The following GRIA4 variants were observed in gnomAD, a reference collection of about 807,000 sequenced individuals.
GRIA4 encodes glutamate ionotropic receptor AMPA type subunit 4.
A neutral mutation model predicts 104.0 loss-of-function variants in GRIA4; 34 were observed. That is an observed-to-expected ratio of 0.33 (90% CI 0.25 to 0.44). GRIA4 has a LOEUF of 0.44. Ranked by LOEUF, GRIA4 falls within the 20% of genes least tolerant of loss-of-function variation. The probability of loss-of-function intolerance (pLI) is 1.00; values close to 1 mark genes in which losing one functional copy is unlikely to be tolerated. For synonymous variants in GRIA4, 386 were observed against 381.9 expected (o/e 1.01, Z -0.13); for missense variants, 750 against 1,096.5 (o/e 0.68, Z 4.46).
chr11:105,652,800 C>T, intron 3 of GRIA4, among the ~76,000 whole-genome samples: 1 of 152,214 alleles, frequency 6.6e-6, no homozygotes, highest in African/African-American at 2.4e-5. Context: ...GTACCAAACT[C>T]TCCACATACA....
At chr11:105,800,464 C>T (rs72985126) in intron 4 of GRIA4, among the ~76,000 whole-genome samples, 15 of 152,052 alleles carry the variant, frequency 9.9e-5, no homozygotes, top group Non-Finnish European at 1.6e-4. Flanking sequence ...GTCAAGGTAC[C>T]TATGCCTTGG....
chr11:105,744,141 T>C (rs1440355045), intron 3 of GRIA4, among the ~76,000 whole-genome samples: 1 of 152,210 alleles, frequency 6.6e-6, no homozygotes, highest in Non-Finnish European at 1.5e-5. Flanking sequence ...CTGTTCCTTA[T>C]TATATTCACC....
chr11:105,885,587 T>C (rs1026511266), intron 5 of GRIA4, among the ~76,000 whole-genome samples: 9 of 152,218 alleles, frequency 5.9e-5, no homozygotes, highest in Admixed American at 1.3e-4. Context: ...ACAGAAGCTT[T>C]GGGTTCAGTC....
At chr11:105,689,131 T>C (rs2135488759) in intron 3 of GRIA4, among the ~76,000 whole-genome samples, 1 of 152,274 alleles carries the variant, frequency 6.6e-6, no homozygotes, top group East Asian at 1.9e-4. Context: ...AAATATATTT[T>C]ATGAGGAAAA....
At chr11:105,838,875 G>C (rs1273582318) in intron 4 of GRIA4, among the ~76,000 whole-genome samples, 1 of 152,158 alleles carries the variant, frequency 6.6e-6, no homozygotes, top group Admixed American at 6.5e-5. Context: ...ATTAGTCACA[G>C]CATAGTGACT....
At chr11:105,756,263 G>A (rs1940305074) in intron 4 of GRIA4, among the ~76,000 whole-genome samples, 1 of 152,070 alleles carries the variant, frequency 6.6e-6, no homozygotes, top group African/African-American at 2.4e-5. Context: ...TTCAGATAGA[G>A]GTGGAATTGG....
chr11:105,733,406 AT>A (rs1331984104), intron 3 of GRIA4, among the ~76,000 whole-genome samples: 1 of 151,996 alleles, frequency 6.6e-6, no homozygotes, highest in Non-Finnish European at 1.5e-5. Flanking sequence ...ATCTTTAAGG[AT>A]TTGTGGTGCC....
chr11:105,644,255 A>G (rs1277125399), intron 3 of GRIA4, among the ~76,000 whole-genome samples: 3 of 152,088 alleles, frequency 2.0e-5, no homozygotes, highest in Non-Finnish European at 4.4e-5. Flanking sequence ...GCTGTCCCAA[A>G]GCCACATCAA....
chr11:105,617,108 A>AATAT (rs35445943), intron 3 of GRIA4, among the ~76,000 whole-genome samples: 6 of 148,830 alleles, frequency 4.0e-5, no homozygotes, highest in Middle Eastern at 3.6e-3. Context: ...GGCATTGGGA[A>AATAT]ATATATATAT....
At chr11:105,931,496 A>C (rs1947873115) in intron 13 of GRIA4, among the ~76,000 whole-genome samples, 1 of 152,046 alleles carries the variant, frequency 6.6e-6, no homozygotes, top group African/African-American at 2.4e-5. Flanking sequence ...TGAGCTCAGG[A>C]GTTCGAGACC....
intron 4 of GRIA4, among the ~76,000 whole-genome samples, chr11:105,791,259 A>C (rs1008245397): frequency 2.0e-4 from 31 of 152,202 alleles, no homozygotes; most frequent in Non-Finnish European, 1.5e-5. Flanking sequence ...CAATCACCAA[A>C]GTAAAGATAT....
intron 3 of GRIA4, among the ~76,000 whole-genome samples, chr11:105,729,362 T>C (rs1344333443): frequency 2.6e-5 from 4 of 152,164 alleles, no homozygotes; most frequent in Non-Finnish European, 4.4e-5. Flanking sequence ...CAGTAATTAA[T>C]AGCCTACAAA....
intron 3 of GRIA4, among the ~76,000 whole-genome samples, chr11:105,650,220 G>A (rs1043768870): frequency 6.6e-5 from 10 of 152,124 alleles, no homozygotes; most frequent in African/African-American, 2.4e-4. Flanking sequence ...TTTATTGGTT[G>A]TTGCAAGTCT....
chr11:105,788,432 A>G (rs1407828934), intron 4 of GRIA4, among the ~76,000 whole-genome samples: 2 of 152,206 alleles, frequency 1.3e-5, no homozygotes, highest in African/African-American at 4.8e-5. Flanking sequence ...TTAATAAGAC[A>G]GCTGCAACGT....
At chr11:105,827,291 A>G (rs1373130746) in intron 4 of GRIA4, among the ~76,000 whole-genome samples, 3 of 152,034 alleles carry the variant, frequency 2.0e-5, no homozygotes, top group Non-Finnish European at 4.4e-5. Flanking sequence ...GTAAAATAAT[A>G]TTTGTTATAT....
intron 6 of GRIA4, among the ~76,000 whole-genome samples, chr11:105,891,790 CT>C (rs770995045): frequency 3.9e-5 from 6 of 152,104 alleles, no homozygotes; most frequent in Non-Finnish European, 7.4e-5. Flanking sequence ...GTAACAGGTA[CT>C]GTCCAACATC....
intron 4 of GRIA4, among the ~76,000 whole-genome samples, chr11:105,855,332 A>C (rs1944971067): frequency 6.6e-6 from 1 of 152,186 alleles, no homozygotes; most frequent in Admixed American, 6.6e-5. Flanking sequence ...TATTAGACAA[A>C]GACCTTGTTT....
chr11:105,767,268 T>G (rs1938969), intron 4 of GRIA4, among the ~76,000 whole-genome samples: 28,635 of 152,066 alleles, frequency 0.19, 3,438 homozygotes, highest in African/African-American at 0.33. Flanking sequence ...GGAATGCTTG[T>G]TCCCTAGGAA....
At chr11:105,827,080 C>A (rs1441475895) in intron 4 of GRIA4, among the ~76,000 whole-genome samples, 1 of 151,944 alleles carries the variant, frequency 6.6e-6, no homozygotes, top group Non-Finnish European at 1.5e-5. Context: ...CTCACTGTTC[C>A]AGGTGCATTG....
Sources: allele counts gnomAD v4.1 joint callset (sites outside exome capture counted in the v4.1 genomes callset), GRCh38; gene constraint gnomAD v4.1.1; transcripts MANE v1.5; gene names NCBI Gene and HGNC (gene_info 2026-07-23, HGNC 2026-07-21).